The following ARID4A variants were observed in gnomAD, a reference collection of about 807,000 sequenced individuals.
The protein encoded by ARID4A is AT-rich interactive domain-containing protein 4A.
In ARID4A, 39 loss-of-function variants were observed where a neutral mutation model predicts 148.6. The observed-to-expected ratio is 0.26, with a 90% confidence interval of 0.20 to 0.34. The LOEUF (loss-of-function observed/expected upper bound fraction) is 0.34, where lower values mean the gene tolerates loss of function less well. Ranked by LOEUF, ARID4A falls within the 10% of genes least tolerant of loss-of-function variation. The pLI, the probability that ARID4A is intolerant of heterozygous loss-of-function variation, is 1.00. For synonymous variants in ARID4A, 475 were observed against 481.2 expected, an observed-to-expected ratio of 0.99 and a Z score of 0.17; for missense variants, 1,265 against 1,449.1, an observed-to-expected ratio of 0.87 and a Z score of 2.06.
intron 15 of ARID4A, among the ~76,000 whole-genome samples, chr14:58,348,683 T>C (rs1317340117): frequency 6.6e-6 from 1 of 152,252 alleles, no homozygotes; most frequent in Non-Finnish European, 1.5e-5. Context: ...TTAATTACTA[T>C]GTCTTATTTT....
In ARID4A at chr14:58,356,888, G is replaced by T. The variant is rs540259936; in HGVS notation, c.1854-2244G>T. Among the ~76,000 whole-genome samples, 33 of 152,148 alleles carry T rather than the reference G, an allele frequency of 2.2e-4. No homozygotes were observed. The South Asian group carries it at 5.0e-3, about 23-fold the overall frequency. On this transcript the variant is annotated intron_variant, in intron 17 of 23. Transcript: ENST00000355431. ...AGCTAATTTTTGTATTTTTAGTAGA[G>T]ACAGGGTTTCACCATGTTGGCCAGG...
intron 11 of ARID4A, among the ~76,000 whole-genome samples, chr14:58,336,747 A>G (rs1187271066): frequency 6.6e-6 from 1 of 152,146 alleles, no homozygotes; most frequent in Non-Finnish European, 1.5e-5. Flanking sequence ...TCCTTACAAC[A>G]GTCTATGAAA....
chr14:58,329,612 A>G lies in ARID4A; in HGVS notation c.739+8A>G. 4 of 1,576,936 alleles carry G rather than the reference A, an allele frequency of 2.5e-6. No homozygotes were observed. Among genetic ancestry groups the G allele is most frequent in the Non-Finnish European group, 3.5e-6 (4 of 1,146,562 alleles). On this transcript the variant is annotated splice_region_variant and intron_variant, in intron 10 of 23. Coordinates refer to ENST00000355431, the MANE Select transcript of ARID4A (RefSeq NM_002892.4). The stretch of plus-strand genomic sequence containing the variant: ...AGCTCTCCACTAAACCAGGTAAAAT[A>G]AAGATGAATTACCCTATTATTTTAT...
At position 58,323,520 on chromosome 14, in the gene ARID4A, A is replaced by G; in HGVS notation, c.485A>G (p.Glu162Gly). The change falls in exon 8 of 24, where the codon GAG (glutamate) becomes GGG (glycine). Residue 162 changes from glutamate (E) to glycine (G), a missense_variant. Around this residue, in one of 9 missense-constraint regions of ARID4A, gnomAD observed 249 missense variants for 277.2 expected, o/e 0.90. Coordinates refer to ENST00000355431, the MANE Select transcript of ARID4A (RefSeq NM_002892.4). ...EDEKEEESSE[E>G]EDEDKRRLND... ...GAAAAGGAAGAAGAAAGCAGTGAAG[A>G]GGAAGATGAAGACAAGCGCCGTCTC... The G allele has an allele frequency of 6.2e-7, 1 of 1,614,106 alleles. No homozygotes were observed. The highest frequency in any genetic ancestry group is 8.5e-7 in the Non-Finnish European group (1 of 1,179,950).
chr14:58,329,156 T>C (rs754998219), intron 9 of ARID4A, among the ~76,000 whole-genome samples: 2 of 152,198 alleles, frequency 1.3e-5, no homozygotes, highest in African/African-American at 2.4e-5. Context: ...TATTACTGTC[T>C]AGTAAATGTG....
At position 58,372,600 on chromosome 14, in the gene ARID4A, T is replaced by TTTA; in HGVS notation, c.*613_*615dup. 2.0e-5 allele frequency: 4 copies of TTTA among 203,310 alleles called. No individual in the cohort carries two copies. The highest frequency in any genetic ancestry group is 3.0e-5 in the Non-Finnish European group (3 of 98,866). The allele number at this position is 203,310 out of a possible 1,614,324, so 12.6% of individuals were successfully genotyped here. ...TACAGTTGTAATAAGTCTTCCACTT[T>TTTA]TTATAGGATTTTTGAGCACAAAATT... On this transcript the variant is annotated 3_prime_UTR_variant, in exon 24 of 24. Transcript: ENST00000355431.
intron 2 of ARID4A, 123 bp from the exon 3 acceptor site, chr14:58,301,457 T>C: frequency 3.6e-6 from 2 of 560,878 alleles, no homozygotes; most frequent in Non-Finnish European, 6.1e-6. Context: ...AAATTTTCAA[T>C]GATATTAATA....
chr14:58,322,216 C>T (rs530085956), intron 7 of ARID4A, among the ~76,000 whole-genome samples: 7 of 152,124 alleles, frequency 4.6e-5, no homozygotes, highest in South Asian at 2.1e-4. Flanking sequence ...GGGATCCACC[C>T]GCCTCGGCCT....
At chr14:58,322,980 A>G (rs550489986) in intron 7 of ARID4A, among the ~76,000 whole-genome samples, 1 of 114,314 alleles carries the variant, frequency 8.7e-6, no homozygotes, top group East Asian at 2.4e-4. Context: ...AAAAAAAAAA[A>G]ATATATATAT....
Position 58,353,595 on chromosome 14 carries a change from T to G in ARID4A, c.1656-63T>G. The G allele has an allele frequency of 9.8e-6, 14 of 1,429,034 alleles. No homozygotes were observed. In the South Asian group the frequency reaches 1.6e-4, roughly 16 times the overall value. The allele number at this position is 1,429,034 out of a possible 1,614,324, so 88.5% of individuals were successfully genotyped here. The stretch of plus-strand genomic sequence containing the variant: ...GTGAATAATCTACCTGTTGGATTCT[T>G]TTAGCATATTTTATTCTCCATTAAG... On this transcript the variant is annotated intron_variant, in intron 16 of 23. Coordinates refer to ENST00000355431, the MANE Select transcript of ARID4A (RefSeq NM_002892.4).
At chr14:58,303,647 T>A (rs2031374556) in intron 3 of ARID4A, 1 of 431,764 alleles carries the variant, frequency 2.3e-6, no homozygotes, top group Non-Finnish European at 5.0e-6. Context: ...ATCAGTGAAC[T>A]AGAGCAGTGA....
At position 58,347,654 on chromosome 14, in the gene ARID4A, T is replaced by C; in HGVS notation, c.1180T>C (p.Tyr394His). The change falls in exon 15 of 24, where the codon TAT becomes CAT. Residue 394 changes from tyrosine (Y) to histidine (H), a missense_variant. By Grantham distance (83) the Tyr-to-His change is moderately conservative. This residue lies in a region of ARID4A where 205 missense variants were observed against 196.9 expected (regional missense o/e 1.04). Transcript: ENST00000355431. ...GAAATATTGTTTGTTTAGGTATCTCTATGGTTTTGAGGAGTACTGCCGTTC... is the reference window on the plus strand; with the variant it reads ...GAAATATTGTTTGTTTAGGTATCTCCATGGTTTTGAGGAGTACTGCCGTTC... ...NVKTAYRKYL[Y>H]GFEEYCRSAN... The C allele has an allele frequency of 6.3e-7, 1 of 1,593,016 alleles. No homozygotes were observed.
intron 17 of ARID4A, among the ~76,000 whole-genome samples, chr14:58,357,373 C>T (rs1461367102): frequency 1.3e-5 from 2 of 152,172 alleles, no homozygotes; most frequent in Non-Finnish European, 2.9e-5. Flanking sequence ...GGTACCATGT[C>T]AACTGAAATA....
chr14:58,323,687 C>T, intron 8 of ARID4A, 70 bp downstream of exon 8: 1 of 1,389,806 alleles, frequency 7.2e-7, no homozygotes, highest in Admixed American at 2.1e-5. Flanking sequence ...TTTTTAAAAG[C>T]ATTTAAAATA....
At chr14:58,312,145 G>A (rs549537014) in intron 5 of ARID4A, among the ~76,000 whole-genome samples, 92 of 152,044 alleles carry the variant, frequency 6.1e-4, no homozygotes, top group African/African-American at 2.1e-3. Context: ...TAATTAGCTT[G>A]CTTAGCCATT....
intron 8 of ARID4A, among the ~76,000 whole-genome samples, chr14:58,327,331 A>G (rs2033271490): frequency 6.6e-6 from 1 of 152,184 alleles, no homozygotes. Context: ...GAACAGATAT[A>G]TTTAATCAGC....
At chr14:58,331,936 A>T (rs1056497312) in intron 11 of ARID4A, among the ~76,000 whole-genome samples, 1 of 149,800 alleles carries the variant, frequency 6.7e-6, no homozygotes, top group African/African-American at 2.5e-5. Flanking sequence ...AAGAAAGATT[A>T]GTCCCTTTAT....
At chr14:58,309,125 T>C (rs1490518844) in intron 5 of ARID4A, among the ~76,000 whole-genome samples, 1 of 152,334 alleles carries the variant, frequency 6.6e-6, no homozygotes, top group South Asian at 2.1e-4. Flanking sequence ...TGTTTGTTTG[T>C]TCGTTTTAGA....
rs559553312 is a variant in ARID4A at position 58,336,876 on chromosome 14, T to A, written c.906+6707T>A. Among the ~76,000 whole-genome samples, 3 of 151,848 alleles carry A rather than the reference T, an allele frequency of 2.0e-5. No individual in the cohort carries two copies. In the South Asian group the frequency reaches 6.2e-4, roughly 32 times the overall value. On this transcript the variant is annotated intron_variant, in intron 11 of 23. Coordinates refer to ENST00000355431, the MANE Select transcript of ARID4A (RefSeq NM_002892.4). ...CCATAGTTTCTCCCAAAGTGGACTT[T>A]CTTTTTCTTTTTTCTTTTCTTTTTT...
Sources: gnomAD v4.1 joint callset for allele counts (sites outside exome capture counted in the v4.1 genomes callset) on GRCh38, gnomAD v4.1.1 for gene constraint, gnomAD v4.1.1 regional missense constraint, MANE v1.5 for transcripts, NCBI Gene and HGNC (gene_info 2026-07-23, HGNC 2026-07-21) for gene names.